PDZRN3: variants seen among roughly 807,000 people sequenced by gnomAD.
PDZRN3 encodes E3 ubiquitin-protein ligase PDZRN3.
Under a neutral mutation model 85.7 loss-of-function variants are expected in PDZRN3, and 38 were observed. That is an observed-to-expected ratio of 0.44 (90% CI 0.34 to 0.58). The LOEUF (loss-of-function observed/expected upper bound fraction) is 0.58, where lower values mean the gene tolerates loss of function less well. PDZRN3 is among the 20% of genes least tolerant of loss of function. PDZRN3 has a pLI of 0.01. For missense variants in PDZRN3, 1,629 were observed against 1,506.4 expected (o/e 1.08, Z -1.35); for synonymous variants, 759 against 638.0 (o/e 1.19, Z -2.86).
intron 3 of PDZRN3, among the ~76,000 whole-genome samples, chr3:73,410,551 AT>A (rs1455953231): frequency 6.6e-6 from 1 of 152,158 alleles, no homozygotes. Flanking sequence ...TCCTTACTCC[AT>A]TTCAAGCATC....
chr3:73,500,765 T>A (rs77534504), intron 3 of PDZRN3, among the ~76,000 whole-genome samples: 1 of 152,176 alleles, frequency 6.6e-6, no homozygotes, highest in East Asian at 1.9e-4. Context: ...TTTCTACCTC[T>A]GTCCACCACA....
At chr3:73,386,952 G>C (rs1387176847) in intron 8 of PDZRN3, among the ~76,000 whole-genome samples, 2 of 152,186 alleles carry the variant, frequency 1.3e-5, no homozygotes, top group African/African-American at 4.8e-5. Context: ...CCTACGTGTT[G>C]TGCGAGGGAC....
At chr3:73,593,530 A>T (rs1161246970) in intron 3 of PDZRN3, among the ~76,000 whole-genome samples, 1 of 152,184 alleles carries the variant, frequency 6.6e-6, no homozygotes, top group African/African-American at 2.4e-5. Flanking sequence ...TTTCAGCAGG[A>T]GACAGATGCC....
chr3:73,474,920 G>C (rs1000795563), intron 3 of PDZRN3, among the ~76,000 whole-genome samples: 10 of 152,162 alleles, frequency 6.6e-5, no homozygotes, highest in African/African-American at 2.4e-4. Context: ...TGGGGTGTGA[G>C]GGTGAAAATG....
intron 3 of PDZRN3, among the ~76,000 whole-genome samples, chr3:73,568,251 T>C (rs1701983213): frequency 6.6e-6 from 1 of 152,134 alleles, no homozygotes; most frequent in South Asian, 2.1e-4. Flanking sequence ...GAGCTAGATA[T>C]GATAATGAAC....
In PDZRN3 at chr3:73,384,838, CTCG is replaced by C. The variant is rs1701328039; in HGVS notation, c.1725_1727del (p.Asp575del). ...CCGAGCTCTCGTCATTACGGGTGCT[CTCG>C]TCGGTCCGCCCCACACCGCTGTCCT... On this transcript the variant is annotated inframe_deletion, in exon 10 of 10. Coordinates refer to ENST00000263666, the MANE Select transcript of PDZRN3 (RefSeq NM_015009.3). 6.2e-7 allele frequency: 1 copy of C among 1,614,186 alleles called. No individual in the cohort carries two copies. The highest frequency in any genetic ancestry group is 1.7e-5 in the Admixed American group (1 of 60,032).
intron 3 of PDZRN3, among the ~76,000 whole-genome samples, chr3:73,506,409 A>C (rs1704070958): frequency 6.6e-6 from 1 of 152,246 alleles, no homozygotes. Context: ...TTTCTACATC[A>C]ATAAGAAAAA....
intron 1 of PDZRN3, among the ~76,000 whole-genome samples, chr3:73,611,464 G>C (rs1035746911): frequency 6.6e-6 from 1 of 152,162 alleles, no homozygotes; most frequent in African/African-American, 2.4e-5. Flanking sequence ...GCAATGCTGG[G>C]GAGAAACAAG....
At chr3:73,426,789 G>C (rs1702324644) in intron 3 of PDZRN3, among the ~76,000 whole-genome samples, 1 of 152,080 alleles carries the variant, frequency 6.6e-6, no homozygotes, top group Admixed American at 6.5e-5. Context: ...AGTAGCTCTG[G>C]GGCGGGGCCT....
chr3:73,487,308 GTTC>G (rs1703681727), intron 3 of PDZRN3, among the ~76,000 whole-genome samples: 1 of 152,030 alleles, frequency 6.6e-6, no homozygotes, highest in Non-Finnish European at 1.5e-5. Context: ...AGAGGGTCAC[GTTC>G]TTCTTTAAAA....
chr3:73,412,194 G>A (rs554839568), intron 3 of PDZRN3, among the ~76,000 whole-genome samples: 16 of 152,312 alleles, frequency 1.1e-4, no homozygotes, highest in African/African-American at 3.6e-4. Context: ...AAGGAGGAAG[G>A]TGTGGTTAGG....
At chr3:73,513,327 C>T (rs1183708775) in intron 3 of PDZRN3, among the ~76,000 whole-genome samples, 1 of 152,190 alleles carries the variant, frequency 6.6e-6, no homozygotes, top group African/African-American at 2.4e-5. Flanking sequence ...TAAGAAACAT[C>T]AGCACACTGC....
At chr3:73,461,422 C>A (rs13073724) in intron 3 of PDZRN3, among the ~76,000 whole-genome samples, 3,730 of 152,312 alleles carry the variant, frequency 0.024, 77 homozygotes, top group Non-Finnish European at 0.041. Flanking sequence ...ACATGTCTCC[C>A]ATTTAATTAA....
Position 73,384,353 on chromosome 3 carries a change from T to C in PDZRN3, c.2213A>G (p.His738Arg), listed in dbSNP as rs1701301747. The change falls in exon 10 of 10, where the codon CAC (histidine) becomes CGC (arginine). Residue 738 changes from histidine to arginine, a missense_variant. His to Arg is a conservative substitution (Grantham distance 29). Transcript: ENST00000263666. ...GAGCTCGGTGATATCTGAGAGCTCG[T>C]GTCTGCGCACGTCGATGCTGGTGTT... is the stretch of plus-strand genomic sequence containing the variant. ...NYNTSIDVRR[H>R]ELSDITELPE... is the part of the protein sequence containing the mutation. 2 of 1,610,052 alleles carry C rather than the reference T, an allele frequency of 1.2e-6. No individual in the cohort carries two copies. The highest frequency in any genetic ancestry group is 4.5e-5 in the East Asian group (2 of 44,858).
intron 3 of PDZRN3, among the ~76,000 whole-genome samples, chr3:73,443,498 T>TTTTG (rs57581231): frequency 2.9e-4 from 37 of 129,100 alleles, no homozygotes; most frequent in Admixed American, 1.2e-3. Context: ...TTTTTTTTTT[T>TTTTG]GGGGGGGGGA....
chr3:73,554,526 A>G (rs1012680791), intron 3 of PDZRN3, among the ~76,000 whole-genome samples: 7 of 152,168 alleles, frequency 4.6e-5, no homozygotes, highest in African/African-American at 1.7e-4. Context: ...ACAGTGAAAA[A>G]TCAGAAACAA....
At chr3:73,584,917 C>T (rs2106872160) in intron 3 of PDZRN3, among the ~76,000 whole-genome samples, 1 of 152,274 alleles carries the variant, frequency 6.6e-6, no homozygotes, top group Admixed American at 6.5e-5. Flanking sequence ...ATCTAACACT[C>T]CAAAAGGACA....
intron 3 of PDZRN3, among the ~76,000 whole-genome samples, chr3:73,526,136 T>C (rs1704518866): frequency 6.6e-6 from 1 of 152,178 alleles, no homozygotes; most frequent in South Asian, 2.1e-4. Context: ...ATTACCTACC[T>C]CATGTTTTTT....
Position 73,582,490 on chromosome 3 carries a change from CA to C in PDZRN3, c.918+19863del, listed in dbSNP as rs1702215796. On this transcript the variant is annotated intron_variant, in intron 3 of 9. Transcript: ENST00000263666. ...ATACTAACAAAAATAAATTTTAAAA[CA>C]AAATGTATATTTTATATATATATAT... 2.6e-5 allele frequency among the ~76,000 whole-genome samples: 4 copies of C among 152,082 alleles called. No individual in the cohort carries two copies. In the South Asian group the frequency reaches 6.2e-4, roughly 24 times the overall value.
Sources: gnomAD v4.1 joint callset for allele counts (sites outside exome capture counted in the v4.1 genomes callset) on GRCh38, gnomAD v4.1.1 for gene constraint, MANE v1.5 for transcripts, NCBI Gene and HGNC (gene_info 2026-07-23, HGNC 2026-07-21) for gene names.